SMAP1: variants seen among roughly 807,000 people sequenced by gnomAD.
The protein encoded by SMAP1 is small ArfGAP 1.
SMAP1 carries 24 observed loss-of-function variants against 58.5 expected under a neutral mutation model. That is an observed-to-expected ratio of 0.41 (90% CI 0.30 to 0.58). SMAP1 has a LOEUF of 0.58. Among genes scored for constraint, SMAP1 ranks in the 20% least tolerant of loss-of-function variants. SMAP1 has a pLI of 0.29. For missense variants in SMAP1, 563 were observed against 566.3 expected (o/e 0.99, Z 0.06); for synonymous variants, 216 against 196.6 (o/e 1.10, Z -0.82).
chr6:70,852,787 A>C lies in SMAP1; in HGVS notation c.789+123A>C, dbSNP rs565961886. 20 of 1,190,360 alleles carry C rather than the reference A, an allele frequency of 1.7e-5. No individual in the cohort carries two copies. The African/African-American group carries it at 2.8e-4, about 17-fold the overall frequency. The allele number at this position is 1,190,360 out of a possible 1,614,324, so 73.7% of individuals were successfully genotyped here. ...CTGATTTAAAAGTCTCCTGTTCTTT[A>C]GGCTAGAGTTTAGCAAACTAAGCCA... On this transcript the variant is annotated intron_variant, in intron 8 of 10. Coordinates refer to ENST00000370455, the MANE Select transcript of SMAP1 (RefSeq NM_001044305.3).
intron 1 of SMAP1, among the ~76,000 whole-genome samples, chr6:70,695,610 A>C (rs891576091): frequency 1.3e-5 from 2 of 152,222 alleles, no homozygotes; most frequent in African/African-American, 4.8e-5. Context: ...ATGTTGAACT[A>C]TCATTGCATC....
At chr6:70,691,015 C>T (rs1009435196) in intron 1 of SMAP1, among the ~76,000 whole-genome samples, 4 of 152,018 alleles carry the variant, frequency 2.6e-5, no homozygotes, top group Admixed American at 2.0e-4. Flanking sequence ...TTTATTTAAT[C>T]GATATTAGGC....
intron 2 of SMAP1, among the ~76,000 whole-genome samples, chr6:70,741,702 G>C (rs574420882): frequency 1.6e-4 from 24 of 152,212 alleles, no homozygotes; most frequent in African/African-American, 5.5e-4. Flanking sequence ...GACTCTGTGT[G>C]GGGGCTTGCA....
At chr6:70,858,427 G>GAGTATTCTGTTATTATCC in intron 10 of SMAP1, 198 bp downstream of exon 10, 1 of 481,972 alleles carries the variant, frequency 2.1e-6, no homozygotes, top group African/African-American at 2.0e-5. Flanking sequence ...TGTTATTATC[G>GAGTATTCTGTTATTATCC]CTATTTTAGA....
chr6:70,781,389 G>C (rs185846731), intron 4 of SMAP1, among the ~76,000 whole-genome samples: 168 of 152,050 alleles, frequency 1.1e-3, no homozygotes, highest in Non-Finnish European at 1.9e-3. Context: ...AAATGTTTAC[G>C]TTTTCAGCTT....
At chr6:70,803,798 GT>G in intron 6 of SMAP1, among the ~76,000 whole-genome samples, 1 of 152,208 alleles carries the variant, frequency 6.6e-6, no homozygotes, top group Non-Finnish European at 1.5e-5. Context: ...TAGATGTGCA[GT>G]TTTGAATGAG....
At chr6:70,777,181 G>A (rs943796632) in intron 4 of SMAP1, among the ~76,000 whole-genome samples, 1 of 152,006 alleles carries the variant, frequency 6.6e-6, no homozygotes, top group African/African-American at 2.4e-5. Context: ...CATTCTAACT[G>A]TGGTAAGATA....
chr6:70,852,292 T>C (rs780100789), intron 7 of SMAP1, among the ~76,000 whole-genome samples: 50 of 152,144 alleles, frequency 3.3e-4, no homozygotes, highest in Non-Finnish European at 5.6e-4. Context: ...TATGATACCA[T>C]TGGTTAAAAA....
At chr6:70,784,558 A>G (rs1032770794) in intron 4 of SMAP1, among the ~76,000 whole-genome samples, 8 of 152,222 alleles carry the variant, frequency 5.3e-5, no homozygotes, top group African/African-American at 1.2e-4. Context: ...CAGGAAACCC[A>G]TCTCACATGC....
intron 2 of SMAP1, among the ~76,000 whole-genome samples, chr6:70,746,757 C>G (rs1439914665): frequency 3.3e-5 from 5 of 152,122 alleles, no homozygotes; most frequent in Non-Finnish European, 5.9e-5. Context: ...GTACCAGCTC[C>G]TCTTTGTACC....
chr6:70,804,216 A>G (rs1420982713), intron 6 of SMAP1, among the ~76,000 whole-genome samples: 1 of 151,804 alleles, frequency 6.6e-6, no homozygotes, highest in East Asian at 1.9e-4. Context: ...CTCTTATTGA[A>G]TTGATCCCTT....
At chr6:70,803,413 C>T (rs1232863902) in intron 6 of SMAP1, among the ~76,000 whole-genome samples, 1 of 152,002 alleles carries the variant, frequency 6.6e-6, no homozygotes, top group Non-Finnish European at 1.5e-5. Context: ...GTCTTGCTAG[C>T]AGTCTATTTT....
At chr6:70,805,625 C>A (rs184338123) in intron 6 of SMAP1, among the ~76,000 whole-genome samples, 22 of 152,264 alleles carry the variant, frequency 1.4e-4, no homozygotes, top group African/African-American at 5.3e-4. Context: ...TGGTTTCTTC[C>A]CATCTTTGTG....
intron 5 of SMAP1, among the ~76,000 whole-genome samples, chr6:70,796,116 A>G (rs1190532605): frequency 6.6e-6 from 1 of 152,150 alleles, no homozygotes; most frequent in African/African-American, 2.4e-5. Context: ...ATTTTATAAT[A>G]TATATAAAAT....
chr6:70,680,961 G>A (rs1346105573), intron 1 of SMAP1, among the ~76,000 whole-genome samples: 1 of 152,036 alleles, frequency 6.6e-6, no homozygotes, highest in African/African-American at 2.4e-5. Context: ...CAGGTGATCT[G>A]CCCGCCTTAG....
chr6:70,726,381 G>C (rs977584884), intron 1 of SMAP1, among the ~76,000 whole-genome samples: 3 of 152,126 alleles, frequency 2.0e-5, no homozygotes, highest in African/African-American at 7.2e-5. Flanking sequence ...TGAAGTCCCT[G>C]TTCTCAAAGA....
rs551341610 is a variant in SMAP1, at chr6:70,689,355, T to C, written c.118+21214T>C. On this transcript the variant is annotated intron_variant, in intron 1 of 10. Coordinates refer to ENST00000370455, the MANE Select transcript of SMAP1 (RefSeq NM_001044305.3). Reference sequence around the variant, plus strand: ...ATTAGTCTTTCTCCTTTTGCACCTTTTTAAAAAAGTTAATTGACCATGTAT... The same window carrying C: ...ATTAGTCTTTCTCCTTTTGCACCTTCTTAAAAAAGTTAATTGACCATGTAT... Among the ~76,000 whole-genome samples, 9 of 152,276 alleles carry C rather than the reference T, an allele frequency of 5.9e-5. No homozygotes were observed. The South Asian group carries it at 1.9e-3, about 32-fold the overall frequency.
At chr6:70,744,817 C>T (rs1765959814) in intron 2 of SMAP1, among the ~76,000 whole-genome samples, 1 of 152,232 alleles carries the variant, frequency 6.6e-6, no homozygotes. Flanking sequence ...TGTTTCTCCA[C>T]ATCCTCTCCA....
intron 7 of SMAP1, among the ~76,000 whole-genome samples, chr6:70,837,358 C>T (rs1237371847): frequency 1.3e-5 from 2 of 151,888 alleles, no homozygotes; most frequent in African/African-American, 2.4e-5. Context: ...CTCTCTTTCT[C>T]GAATTTTTAG....
Sources: allele counts gnomAD v4.1 joint callset (sites outside exome capture counted in the v4.1 genomes callset), GRCh38; gene constraint gnomAD v4.1.1; transcripts MANE v1.5; gene names NCBI Gene and HGNC (gene_info 2026-07-23, HGNC 2026-07-21).